PTGR1: variants seen among roughly 807,000 people sequenced by gnomAD.
The protein encoded by PTGR1 is 15-oxoprostaglandin 13-reductase.
Under a neutral mutation model 37.7 loss-of-function variants are expected in PTGR1, and 23 were observed. The observed-to-expected ratio is 0.61, with a 90% CI of 0.44 to 0.86. PTGR1 has a LOEUF of 0.86. Among genes scored for constraint, PTGR1 ranks in the 40% least tolerant of loss-of-function variants. The pLI is 0.00. For missense variants in PTGR1, 351 were observed against 394.3 expected, an observed-to-expected ratio of 0.89 and a Z score of 0.93; for synonymous variants, 134 against 140.0, an observed-to-expected ratio of 0.96 and a Z score of 0.30.
intron 9 of PTGR1, among the ~76,000 whole-genome samples, chr9:111,553,712 A>G (rs1828038395): frequency 6.6e-6 from 1 of 152,240 alleles, no homozygotes; most frequent in African/African-American, 2.4e-5. Context: ...ATCAAAATAA[A>G]GATACGTTTA....
chr9:111,588,258 G>A (rs1394282264), intron 4 of PTGR1, among the ~76,000 whole-genome samples: 2 of 149,620 alleles, frequency 1.3e-5, no homozygotes, highest in Non-Finnish European at 3.0e-5. Flanking sequence ...GCACAGTGGC[G>A]TGATCTCAGC....
At chr9:111,560,968 TATATATAGAGAGAGAGAGAGAG>T (rs1185459037), downstream of PTGR1, among the ~76,000 whole-genome samples, 20 of 40,066 alleles carry the variant, frequency 5.0e-4, 2 homozygotes, top group South Asian at 2.1e-3. Flanking sequence ...TATATATATA[TATATATAGAGAGAGAGAGAGAG>T]AGAGAGAGAG....
intron 2 of PTGR1, among the ~76,000 whole-genome samples, chr9:111,596,406 G>A (rs1387788534): frequency 6.6e-6 from 1 of 151,994 alleles, no homozygotes; most frequent in Non-Finnish European, 1.5e-5. Flanking sequence ...TCTAAGGTCA[G>A]GAGTTCAAGA....
At chr9:111,587,455 T>G (rs75353288) in intron 4 of PTGR1, among the ~76,000 whole-genome samples, 11,356 of 152,058 alleles carry the variant, frequency 0.075, 593 homozygotes, top group East Asian at 0.23. Context: ...ATGTATGTAT[T>G]TATTTATTTA....
chr9:111,551,631 A>T (rs1444182590), intron 9 of PTGR1, among the ~76,000 whole-genome samples: 2 of 152,004 alleles, frequency 1.3e-5, no homozygotes, highest in Non-Finnish European at 2.9e-5. Context: ...CCAACTCCTA[A>T]GCCCAGGCAA....
intron 9 of PTGR1, among the ~76,000 whole-genome samples, chr9:111,552,816 C>A (rs1828008565): frequency 6.6e-6 from 1 of 152,032 alleles, no homozygotes; most frequent in African/African-American, 2.4e-5. Flanking sequence ...ATTCTATTAG[C>A]AAAAATATAT....
intron 7 of PTGR1, among the ~76,000 whole-genome samples, chr9:111,575,762 A>G (rs1249614291): frequency 1.3e-5 from 2 of 152,246 alleles, no homozygotes; most frequent in Non-Finnish European, 2.9e-5. Context: ...TGCATCGTAG[A>G]CCTGAATGTA....
At chr9:111,565,328 G>A (rs1465613385) in intron 9 of PTGR1, among the ~76,000 whole-genome samples, 1 of 152,120 alleles carries the variant, frequency 6.6e-6, no homozygotes, top group Admixed American at 6.6e-5. Context: ...TAGACTTCTA[G>A]CCTCCAGAAC....
intron 4 of PTGR1, among the ~76,000 whole-genome samples, chr9:111,590,598 A>G (rs541050007): frequency 6.2e-4 from 94 of 152,304 alleles, no homozygotes; most frequent in African/African-American, 2.2e-3. Flanking sequence ...ACCTCAAGTG[A>G]TCCTCCTGCT....
chr9:111,596,248 G>A (rs181426570), intron 2 of PTGR1, among the ~76,000 whole-genome samples: 7 of 152,214 alleles, frequency 4.6e-5, no homozygotes, highest in Non-Finnish European at 1.0e-4. Context: ...TCTGCCTCTC[G>A]AATCTGAGCT....
At chr9:111,594,134 T>C (rs1829705608) in intron 3 of PTGR1, 88 bp downstream of exon 3, 1 of 1,305,462 alleles carries the variant, frequency 7.7e-7, no homozygotes, top group South Asian at 1.2e-5. Flanking sequence ...GACAATGTTT[T>C]AAGTCAGTTG....
intron 3 of PTGR1, 65 bp downstream of exon 3, chr9:111,594,157 G>C (rs1045727484): frequency 2.8e-6 from 4 of 1,447,464 alleles, no homozygotes; most frequent in Non-Finnish European, 3.9e-6. Flanking sequence ...TATTTTAGAA[G>C]ATGAACTACT....
At chr9:111,574,586 CA>C in intron 8 of PTGR1, 147 bp downstream of exon 8, 1 of 528,188 alleles carries the variant, frequency 1.9e-6, no homozygotes, top group Non-Finnish European at 3.2e-6. Flanking sequence ...TGAGCACTCA[CA>C]AAGTGAGACT....
At chr9:111,582,466 A>C (rs1224367595) in intron 6 of PTGR1, among the ~76,000 whole-genome samples, 1 of 152,198 alleles carries the variant, frequency 6.6e-6, no homozygotes, top group East Asian at 1.9e-4. Flanking sequence ...AACCAAACTC[A>C]CTTGTGACTA....
chr9:111,559,964 A>G (rs1328797753), downstream of PTGR1, among the ~76,000 whole-genome samples: 1 of 152,096 alleles, frequency 6.6e-6, no homozygotes, highest in Non-Finnish European at 1.5e-5. Flanking sequence ...CCATTGTTTC[A>G]TTGTACTACA....
In PTGR1 at chr9:111,586,032, G is replaced by A; in HGVS notation, c.343C>T (p.Leu115=). Reference sequence around the variant, plus strand: ...CCAACTGTCCCCAGAGCCAAAGACAGTGGTATTGTGTCTGGCCACTCTGTC... The same window carrying A: ...CCAACTGTCCCCAGAGCCAAAGACAATGGTATTGTGTCTGGCCACTCTGTC... The part of the protein sequence containing the change: ...LLTEWPDTIP[L]SLALGTVGMP... Residue 115 remains leucine, a synonymous_variant, in exon 5 of 10, where the codon CTG becomes TTG. Coordinates refer to ENST00000407693, the MANE Select transcript of PTGR1 (RefSeq NM_001146108.2). 1 of 1,614,190 alleles carries A rather than the reference G, an allele frequency of 6.2e-7. No individual in the cohort carries two copies. Among genetic ancestry groups the A allele is most frequent in the Non-Finnish European group, 8.5e-7 (1 of 1,180,040 alleles).
intron 1 of PTGR1, chr9:111,599,335 C>G (rs1382993171): frequency 6.6e-6 from 1 of 152,458 alleles, no homozygotes; most frequent in Non-Finnish European, 1.5e-5. Context: ...GTGCAGGAAG[C>G]TACCGGGTGT....
At chr9:111,571,726 A>T (rs994356509) in intron 8 of PTGR1, among the ~76,000 whole-genome samples, 2 of 151,856 alleles carry the variant, frequency 1.3e-5, no homozygotes, top group Admixed American at 6.6e-5. Context: ...TCTGGTTTGA[A>T]ACTCCTGGGC....
chr9:111,599,475 T>C (rs1044215872), intron 1 of PTGR1, 128 bp downstream of exon 1: 11 of 152,300 alleles, frequency 7.2e-5, no homozygotes, highest in African/African-American at 2.4e-4. Context: ...AGCGGTCATT[T>C]CGACGTAAGG....
Sources: gnomAD v4.1 joint callset for allele counts (sites outside exome capture counted in the v4.1 genomes callset) on GRCh38, gnomAD v4.1.1 for gene constraint, MANE v1.5 for transcripts, NCBI Gene and HGNC (gene_info 2026-07-23, HGNC 2026-07-21) for gene names.